Variants in FIG4 observed in about 807,000 individuals in gnomAD.
The protein encoded by FIG4 is polyphosphoinositide phosphatase.
FIG4 carries 112 observed loss-of-function variants against 118.6 expected under a neutral mutation model. That is an observed-to-expected ratio of 0.94 (90% confidence interval 0.81 to 1.11). The LOEUF (loss-of-function observed/expected upper bound fraction) is 1.11, where lower values mean the gene tolerates loss of function less well. FIG4 is among the 50% of genes least tolerant of loss of function. The pLI, the probability that FIG4 is intolerant of heterozygous loss-of-function variation, is 0.00. For synonymous variants in FIG4, 369 were observed against 381.2 expected (o/e 0.97, Z 0.37); for missense variants, 969 against 1,111.7 (o/e 0.87, Z 1.83).
At chr6:109,702,405 C>T (rs191864505) in intron 1 of FIG4, among the ~76,000 whole-genome samples, 60 of 152,284 alleles carry the variant, frequency 3.9e-4, no homozygotes, top group African/African-American at 1.3e-3. Context: ...TGACACTTAA[C>T]TTTCAGAAGA....
At chr6:109,727,373 T>G in intron 4 of FIG4, 108 bp downstream of exon 4, 1 of 884,240 alleles carries the variant, frequency 1.1e-6, no homozygotes, top group Non-Finnish European at 1.9e-6. Flanking sequence ...GCTGTAGCCT[T>G]GGCCTCCCAG....
At chr6:109,800,516 A>G (rs142333768) in intron 22 of FIG4, among the ~76,000 whole-genome samples, 169 of 152,290 alleles carry the variant, frequency 1.1e-3, no homozygotes, top group African/African-American at 4.0e-3. Flanking sequence ...CACCACTGGA[A>G]CAGTGTTGCT....
chr6:109,808,670 A>T (rs889667398), intron 22 of FIG4, among the ~76,000 whole-genome samples: 1 of 152,132 alleles, frequency 6.6e-6, no homozygotes, highest in Non-Finnish European at 1.5e-5. Flanking sequence ...CAGACAAACT[A>T]TGTTTCTTTG....
chr6:109,744,096 A>G (rs1025314197), intron 10 of FIG4, among the ~76,000 whole-genome samples: 19 of 152,226 alleles, frequency 1.2e-4, no homozygotes, highest in African/African-American at 4.6e-4. Flanking sequence ...TTCCAGGACA[A>G]CTTGGAGAAA....
chr6:109,729,557 A>G (rs1029248523), intron 4 of FIG4, among the ~76,000 whole-genome samples: 2 of 152,170 alleles, frequency 1.3e-5, no homozygotes, highest in Non-Finnish European at 2.9e-5. Context: ...ATCATTTCCT[A>G]CTTGGAAAAT....
intron 22 of FIG4, among the ~76,000 whole-genome samples, chr6:109,801,441 G>A (rs1020705964): frequency 3.9e-5 from 6 of 152,086 alleles, no homozygotes; most frequent in Non-Finnish European, 8.8e-5. Flanking sequence ...CCAGCTACTC[G>A]GGAGGCTGAG....
At chr6:109,713,973 C>T (rs1775349974) in intron 1 of FIG4, among the ~76,000 whole-genome samples, 1 of 152,150 alleles carries the variant, frequency 6.6e-6, no homozygotes, top group South Asian at 2.1e-4. Context: ...CCGACAGTTC[C>T]CCTAGGGCTA....
chr6:109,764,055 T>C (rs1451467710), intron 13 of FIG4, 73 bp downstream of exon 13: 2 of 950,066 alleles, frequency 2.1e-6, no homozygotes, highest in African/African-American at 3.2e-5. Flanking sequence ...CTGTAAGCAA[T>C]CATGGAAAGA....
intron 22 of FIG4, among the ~76,000 whole-genome samples, chr6:109,822,787 G>GTATGTATA (rs1295458689): frequency 2.5e-5 from 3 of 120,432 alleles, no homozygotes; most frequent in African/African-American, 9.6e-5. Flanking sequence ...GTGTGTGTAT[G>GTATGTATA]TATATATATA....
intron 22 of FIG4, among the ~76,000 whole-genome samples, chr6:109,823,184 G>T (rs542794998): frequency 3.9e-5 from 6 of 152,188 alleles, no homozygotes; most frequent in Admixed American, 3.9e-4. Context: ...CATTGACATG[G>T]CTCCCTGACA....
At position 109,782,591 on chromosome 6, in the gene FIG4, G is replaced by A. The variant is rs141054264; in HGVS notation, c.1890-2379G>A. Among the ~76,000 whole-genome samples the A allele has an allele frequency of 1.7e-3, 240 of 139,396 alleles. 1 individual carries two copies. Among genetic ancestry groups the A allele is most frequent in the African/African-American group, 6.3e-3 (209 of 33,226 alleles). 91.4% of individuals were successfully genotyped at this position (139,396 alleles called of 152,430 possible). A position where few individuals can be genotyped will look rare whatever the true frequency, so the allele number is the denominator to read the frequency against. ...TTCTTCCTAAGCAAGCTGATTGTAA[G>A]CAACATTCTTTAGGGAATTTCTCAT... is the stretch of plus-strand genomic sequence containing the variant. On this transcript the variant is annotated intron_variant, in intron 16 of 22. Coordinates refer to ENST00000230124, the MANE Select transcript of FIG4 (RefSeq NM_014845.6).
intron 1 of FIG4, among the ~76,000 whole-genome samples, chr6:109,705,224 G>C (rs938091551): frequency 2.0e-5 from 3 of 152,152 alleles, no homozygotes; most frequent in African/African-American, 7.2e-5. Context: ...AAAGGCTGAG[G>C]ATATACAGTG....
intron 10 of FIG4, among the ~76,000 whole-genome samples, chr6:109,753,729 A>G (rs1174329600): frequency 6.6e-6 from 1 of 152,016 alleles, no homozygotes; most frequent in Non-Finnish European, 1.5e-5. Flanking sequence ...TTCACTCATG[A>G]TTTGGCTCTC....
chr6:109,746,182 G>T (rs886366734), intron 10 of FIG4, among the ~76,000 whole-genome samples: 1 of 152,094 alleles, frequency 6.6e-6, no homozygotes, highest in Non-Finnish European at 1.5e-5. Context: ...TGGGAAAACC[G>T]GCTAGCCATA....
At chr6:109,814,831 C>T (rs1233639476) in intron 22 of FIG4, among the ~76,000 whole-genome samples, 1 of 152,126 alleles carries the variant, frequency 6.6e-6, no homozygotes, top group African/African-American at 2.4e-5. Context: ...TTCTCTGAGG[C>T]TCCCTGATTA....
intron 16 of FIG4, among the ~76,000 whole-genome samples, chr6:109,781,835 A>C (rs1015275388): frequency 6.8e-6 from 1 of 147,204 alleles, no homozygotes; most frequent in African/African-American, 2.4e-5. Flanking sequence ...TGTTGAGTAC[A>C]GTAGGGTAAA....
intron 22 of FIG4, 84 bp downstream of exon 22, chr6:109,796,935 A>T (rs1241348080): frequency 8.2e-6 from 7 of 855,342 alleles, no homozygotes; most frequent in Non-Finnish European, 2.0e-6. Context: ...TAAGAAAAAG[A>T]TTCACTCTTG....
At chr6:109,800,956 C>A (rs1402765934) in intron 22 of FIG4, among the ~76,000 whole-genome samples, 1 of 152,176 alleles carries the variant, frequency 6.6e-6, no homozygotes, top group Non-Finnish European at 1.5e-5. Flanking sequence ...CTGTGCCTGG[C>A]AGGCAGGTGC....
intron 12 of FIG4, among the ~76,000 whole-genome samples, 186 bp from the exon 13 acceptor site, chr6:109,763,751 G>A (rs1210454140): frequency 6.6e-6 from 1 of 152,170 alleles, no homozygotes; most frequent in Non-Finnish European, 1.5e-5. Context: ...AGTGTGGTAA[G>A]CAGTCTGCCT....
Sources: allele counts gnomAD v4.1 joint callset (sites outside exome capture counted in the v4.1 genomes callset), GRCh38; gene constraint gnomAD v4.1.1; transcripts MANE v1.5; gene names NCBI Gene and HGNC (gene_info 2026-07-23, HGNC 2026-07-21).